PCDHGA9: variants seen among roughly 807,000 people sequenced by gnomAD.
PCDHGA9 encodes protocadherin gamma-A9.
In PCDHGA9, 37 loss-of-function variants were observed where a neutral mutation model predicts 62.5. The ratio of observed to expected loss-of-function variants is 0.59; its 90% CI spans 0.46 to 0.78. The LOEUF (loss-of-function observed/expected upper bound fraction) is 0.78. PCDHGA9 is among the 30% of genes least tolerant of loss of function. The pLI is 0.00. For missense variants in PCDHGA9, 1,138 were observed against 1,166.2 expected, an observed-to-expected ratio of 0.98 and a Z score of 0.35; for synonymous variants, 459 against 484.6, an observed-to-expected ratio of 0.95 and a Z score of 0.69.
chr5:141,454,898 C>T (rs1426884791), intron 1 of PCDHGA9, among the ~76,000 whole-genome samples: 1 of 147,834 alleles, frequency 6.8e-6, no homozygotes, highest in Non-Finnish European at 1.5e-5. Flanking sequence ...AGCACCGCCT[C>T]CCGGGTTCAC....
At chr5:141,504,364 G>A (rs764741297) in intron 2 of PCDHGA9, among the ~76,000 whole-genome samples, 2 of 152,116 alleles carry the variant, frequency 1.3e-5, no homozygotes, top group African/African-American at 2.4e-5. Flanking sequence ...GCTTCAGTAG[G>A]AAGCAGGTGG....
At position 141,404,354 on chromosome 5, in the gene PCDHGA9, G is replaced by C; in HGVS notation, c.1402G>C (p.Gly468Arg). 6.2e-7 allele frequency: 1 copy of C among 1,613,916 alleles called. No homozygotes were observed. ...SVYLPENNAR[G>R]TSIFSVIAYD... Reference sequence around the variant, plus strand: ...CTACCTCCCGGAAAACAACGCCAGAGGTACTTCCATCTTCTCCGTGATTGC... The same window carrying C: ...CTACCTCCCGGAAAACAACGCCAGACGTACTTCCATCTTCTCCGTGATTGC... Residue 468 changes from glycine (G) to arginine (R), a missense_variant, in exon 1 of 4, where the codon GGT becomes CGT. Coordinates refer to ENST00000573521, the MANE Select transcript of PCDHGA9 (RefSeq NM_018921.3).
At position 141,477,984 on chromosome 5, in the gene PCDHGA9, T is replaced by A; in HGVS notation, c.2425-16823T>A. On this transcript the variant is annotated intron_variant, in intron 1 of 3. Coordinates refer to ENST00000573521, the MANE Select transcript of PCDHGA9 (RefSeq NM_018921.3). This position sits in a 1 kb window ranked among gnomAD's most constrained non-coding sequence, Gnocchi z 4.9. ...AACCAGAGCCTTTTTGCCATAGGGC[T>A]GCACACTGGTCAAATCAGTACTGCC... 6.2e-7 allele frequency: 1 copy of A among 1,614,146 alleles called. No homozygotes were observed. The highest frequency in any genetic ancestry group is 8.5e-7 in the Non-Finnish European group (1 of 1,180,028).
Position 141,431,151 on chromosome 5 carries a change from C to A in PCDHGA9, c.2424+25775C>A, listed in dbSNP as rs764416448. On this transcript the variant is annotated intron_variant, in intron 1 of 3. Transcript: ENST00000573521. This position sits in a 1 kb window ranked among gnomAD's most constrained non-coding sequence, Gnocchi z 4.8. Reference sequence around the variant, plus strand: ...GTAAGGGACATTAACGACAATGCGCCTTACTTTCGTGAAAGTGAATTAGAA... The same window carrying A: ...GTAAGGGACATTAACGACAATGCGCATTACTTTCGTGAAAGTGAATTAGAA... 7.4e-6 allele frequency: 12 copies of A among 1,614,126 alleles called. No individual in the cohort carries two copies. Among genetic ancestry groups the A allele is most frequent in the Middle Eastern group, 1.6e-4 (1 of 6,084 alleles).
intron 1 of PCDHGA9, among the ~76,000 whole-genome samples, chr5:141,445,746 TA>T (rs1486411811): frequency 2.0e-5 from 3 of 152,028 alleles, no homozygotes; most frequent in Non-Finnish European, 4.4e-5. Flanking sequence ...TTTTAAAAAA[TA>T]AAAGGTGTGA....
At chr5:141,460,787 C>T (rs1177595415) in intron 1 of PCDHGA9, among the ~76,000 whole-genome samples, 1 of 151,504 alleles carries the variant, frequency 6.6e-6, no homozygotes, top group Non-Finnish European at 1.5e-5. Context: ...TACATATATA[C>T]ACACAAAGTA....
chr5:141,492,557 G>A (rs2154587614), intron 1 of PCDHGA9, among the ~76,000 whole-genome samples: 1 of 152,350 alleles, frequency 6.6e-6, no homozygotes, highest in East Asian at 1.9e-4. Flanking sequence ...TCGCCTGGGG[G>A]GCGGCCTGAG....
Position 141,403,746 on chromosome 5 carries a change from C to G in PCDHGA9, c.794C>G (p.Thr265Arg), listed in dbSNP as rs773668506. ...VPPGTWLLTATASDLDEGING... is the reference protein window; with the variant it reads ...VPPGTWLLTARASDLDEGING... ...CCAGGCACCTGGCTGCTTACTGCAA[C>G]AGCCAGCGACCTGGATGAGGGAATC... Residue 265 changes from threonine (T) to arginine (R), a missense_variant, in exon 1 of 4, where the codon ACA (threonine) becomes AGA (arginine). Coordinates refer to ENST00000573521, the MANE Select transcript of PCDHGA9 (RefSeq NM_018921.3). The G allele has an allele frequency of 1.2e-6, 2 of 1,613,904 alleles. No individual in the cohort carries two copies. Among genetic ancestry groups the G allele is most frequent in the Non-Finnish European group, 8.5e-7 (1 of 1,179,898 alleles).
intron 1 of PCDHGA9, among the ~76,000 whole-genome samples, chr5:141,435,375 A>G (rs80179854): frequency 0.034 from 5,131 of 152,264 alleles, 102 homozygotes; most frequent in Middle Eastern, 0.088. Flanking sequence ...TTAAATATAC[A>G]ATATACCGTA....
rs1212833348 is a variant in PCDHGA9 at position 141,431,379 on chromosome 5, C to T, written c.2424+26003C>T. On this transcript the variant is annotated intron_variant, in intron 1 of 3. Transcript: ENST00000573521. The surrounding 1 kb of genome is among the most constrained non-coding windows in gnomAD (Gnocchi z 4.8). ...GCCCTGGACCGCGAAGAAAAGGCTG[C>T]TCACCACCTGGTCCTTACGGCCTCC... is the stretch of plus-strand genomic sequence containing the variant. 3 of 1,613,946 alleles carry T rather than the reference C, an allele frequency of 1.9e-6. No individual in the cohort carries two copies. Among genetic ancestry groups the T allele is most frequent in the Non-Finnish European group, 2.5e-6 (3 of 1,180,020 alleles).
intron 1 of PCDHGA9, chr5:141,415,782 T>C: frequency 7.4e-7 from 1 of 1,356,228 alleles, no homozygotes. Context: ...TACTTTCTGG[T>C]AAAATTCACC....
intron 1 of PCDHGA9, among the ~76,000 whole-genome samples, chr5:141,429,759 C>T (rs1233949322): frequency 6.6e-6 from 1 of 151,946 alleles, no homozygotes; most frequent in East Asian, 1.9e-4. Flanking sequence ...GAATTTTTTC[C>T]CTATATTTTG....
chr5:141,413,010 C>A, intron 1 of PCDHGA9: 1 of 640,210 alleles, frequency 1.6e-6, no homozygotes. Flanking sequence ...AGGGCTTCAA[C>A]TACACAAGCC....
chr5:141,426,691 G>A, intron 1 of PCDHGA9: 1 of 435,886 alleles, frequency 2.3e-6, no homozygotes, highest in South Asian at 1.6e-5. Context: ...CCCCAAAATA[G>A]CATTGTTTTA....
chr5:141,432,366 A>T lies in PCDHGA9; in HGVS notation c.2424+26990A>T. The T allele has an allele frequency of 6.2e-7, 1 of 1,614,204 alleles. No homozygotes were observed. Among genetic ancestry groups the T allele is most frequent in the Non-Finnish European group, 8.5e-7 (1 of 1,180,034 alleles). On this transcript the variant is annotated intron_variant, in intron 1 of 3. Coordinates refer to ENST00000573521, the MANE Select transcript of PCDHGA9 (RefSeq NM_018921.3). This position sits in a 1 kb window ranked among gnomAD's most constrained non-coding sequence, Gnocchi z 6.0. Reference sequence around the variant, plus strand: ...TTGCAAGTGAAAGTGATGGCGCGGGACAACGGGCACCCGCCCCTCAGCAGC... The same window carrying T: ...TTGCAAGTGAAAGTGATGGCGCGGGTCAACGGGCACCCGCCCCTCAGCAGC...
intron 2 of PCDHGA9, among the ~76,000 whole-genome samples, chr5:141,504,869 C>T (rs919109041): frequency 6.6e-6 from 1 of 152,134 alleles, no homozygotes; most frequent in Admixed American, 6.5e-5. Flanking sequence ...CCCACCTTCA[C>T]AGTCCTCTGG....
intron 1 of PCDHGA9, chr5:141,408,704 A>G: frequency 1.2e-6 from 2 of 1,613,236 alleles, no homozygotes; most frequent in Non-Finnish European, 1.7e-6. Context: ...AAACTCAATT[A>G]AAGATTATAA....
At chr5:141,435,214 A>T (rs1314928643) in intron 1 of PCDHGA9, among the ~76,000 whole-genome samples, 1 of 152,176 alleles carries the variant, frequency 6.6e-6, no homozygotes, top group Non-Finnish European at 1.5e-5. Context: ...AAGTGAATTT[A>T]CTTTCTTTCA....
intron 2 of PCDHGA9, among the ~76,000 whole-genome samples, chr5:141,495,758 C>T (rs2099763543): frequency 6.6e-6 from 1 of 152,122 alleles, no homozygotes; most frequent in Non-Finnish European, 1.5e-5. Flanking sequence ...ATCTCTGCCT[C>T]CCTGTCCTTG....
Sources: gnomAD v4.1 joint callset for allele counts (sites outside exome capture counted in the v4.1 genomes callset) on GRCh38, gnomAD v4.1.1 for gene constraint, Gnocchi (gnomAD v3.1) non-coding constraint, MANE v1.5 for transcripts, NCBI Gene and HGNC (gene_info 2026-07-23, HGNC 2026-07-21) for gene names.